Variants in STAT4 observed in about 807,000 individuals in gnomAD.
STAT4 encodes signal transducer and activator of transcription 4.
Under a neutral mutation model 110.5 loss-of-function variants are expected in STAT4, and 42 were observed. That is an observed-to-expected ratio of 0.38 (90% CI 0.30 to 0.49). STAT4 has a LOEUF of 0.49. Ranked by LOEUF, STAT4 falls within the 20% of genes least tolerant of loss-of-function variation. The probability of loss-of-function intolerance (pLI) is 0.95; values close to 1 mark genes in which losing one functional copy is unlikely to be tolerated. For synonymous variants in STAT4, 284 were observed against 302.2 expected, an observed-to-expected ratio of 0.94 and a Z score of 0.63; for missense variants, 632 against 887.9, an observed-to-expected ratio of 0.71 and a Z score of 3.66.
chr2:191,149,936 T>C (rs565131852), intron 1 of STAT4, among the ~76,000 whole-genome samples: 1 of 152,162 alleles, frequency 6.6e-6, no homozygotes, highest in African/African-American at 2.4e-5. Context: ...GCTGTAACAC[T>C]AGGATGAATA....
rs904160455 is a variant in STAT4, at chr2:191,144,109, C to G, written c.273+2504G>C. On this transcript the variant is annotated intron_variant, in intron 3 of 23. Transcript: ENST00000392320. This position sits in a 1 kb window ranked among gnomAD's most constrained non-coding sequence, Gnocchi z 4.7. The stretch of plus-strand genomic sequence containing the variant: ...TTGTTTTTTGAATTCCTAGTGTGCA[C>G]TAGAACCATATTGAGTACTGAGGGT... Among the ~76,000 whole-genome samples the G allele has an allele frequency of 6.6e-6, 1 of 151,900 alleles. No individual in the cohort carries two copies. Among genetic ancestry groups the G allele is most frequent in the African/African-American group, 2.4e-5 (1 of 41,340 alleles).
chr2:191,120,733 G>A (rs10197066), intron 3 of STAT4, among the ~76,000 whole-genome samples: 257 of 152,058 alleles, frequency 1.7e-3, no homozygotes, highest in African/African-American at 5.8e-3. Flanking sequence ...TGTAGAAAGC[G>A]GAAACTGGAT....
Position 191,061,871 on chromosome 2 carries a change from G to A in STAT4, c.942-50C>T. The A allele has an allele frequency of 6.4e-7, 1 of 1,558,824 alleles. No homozygotes were observed. The highest frequency in any genetic ancestry group is 8.8e-7 in the Non-Finnish European group (1 of 1,134,870). Reference sequence around the variant, plus strand: ...ATCATTTGAAAACACTGAAAATATTGAGACTGAAAACCACAGAGGAACAGG... The same window carrying A: ...ATCATTTGAAAACACTGAAAATATTAAGACTGAAAACCACAGAGGAACAGG... On this transcript the variant is annotated intron_variant, in intron 9 of 23. Coordinates refer to ENST00000392320, the MANE Select transcript of STAT4 (RefSeq NM_003151.4). The surrounding 1 kb of genome is among the most constrained non-coding windows in gnomAD (Gnocchi z 6.2).
intron 3 of STAT4, among the ~76,000 whole-genome samples, chr2:191,125,476 T>TTTACTATTATTA (rs1698853308): frequency 7.2e-6 from 1 of 138,002 alleles, no homozygotes; most frequent in African/African-American, 2.6e-5. Flanking sequence ...ATCCTCATTA[T>TTTACTATTATTA]TTATTATTAT....
intron 3 of STAT4, among the ~76,000 whole-genome samples, chr2:191,114,716 T>C (rs1285024488): frequency 6.6e-6 from 1 of 152,158 alleles, no homozygotes; most frequent in East Asian, 1.9e-4. Context: ...TCACTTGCCA[T>C]AGGGCTACTG....
In STAT4 at chr2:191,051,026, T is replaced by TTG. The variant is rs763414498; in HGVS notation, c.1251+3462_1251+3463dup. Among the ~76,000 whole-genome samples the TTG allele has an allele frequency of 6.6e-6, 1 of 152,042 alleles. No individual in the cohort carries two copies. Among genetic ancestry groups the TTG allele is most frequent in the African/African-American group, 2.4e-5 (1 of 41,392 alleles). On this transcript the variant is annotated intron_variant, in intron 14 of 23. Coordinates refer to ENST00000392320, the MANE Select transcript of STAT4 (RefSeq NM_003151.4). The surrounding 1 kb of genome is among the most constrained non-coding windows in gnomAD (Gnocchi z 5.6). ...AAAAGTAGAATGGAGCGACCCAAAA[T>TTG]TGTGTGTGTGCGTGTGGGTGTGTGT... is the stretch of plus-strand genomic sequence containing the variant.
rs1188943537 is a variant in STAT4 at position 191,077,417 on chromosome 2, G to T, written c.274-1092C>A. On this transcript the variant is annotated intron_variant, in intron 3 of 23. Transcript: ENST00000392320. The surrounding 1 kb of genome is among the most constrained non-coding windows in gnomAD (Gnocchi z 4.1). ...AATAGTATTAAATTTCTTTGTTACT[G>T]GACTTTTTCCAGGGCAGGATTAACA... Among the ~76,000 whole-genome samples, 1 of 152,096 alleles carries T rather than the reference G, an allele frequency of 6.6e-6. No individual in the cohort carries two copies.
At position 191,135,263 on chromosome 2, in the gene STAT4, A is replaced by G. The variant is rs1005830301; in HGVS notation, c.273+11350T>C. Among the ~76,000 whole-genome samples the G allele has an allele frequency of 1.3e-5, 2 of 152,204 alleles. No individual in the cohort carries two copies. Among genetic ancestry groups the G allele is most frequent in the Non-Finnish European group, 2.9e-5 (2 of 68,030 alleles). ...AAAATATAAAAGATCATCAGAGACA[A>G]TTATGAAAAATACACTAACAAGCTG... On this transcript the variant is annotated intron_variant, in intron 3 of 23. Coordinates refer to ENST00000392320, the MANE Select transcript of STAT4 (RefSeq NM_003151.4). The surrounding 1 kb of genome is among the most constrained non-coding windows in gnomAD (Gnocchi z 4.8).
Position 191,032,833 on chromosome 2 carries a change from A to T in STAT4, c.2044+125T>A. Reference sequence around the variant, plus strand: ...TCATTTCTAAGGCTTTGACCTCCACATGCCCTTAGATCTTACAGAAATCAG... The same window carrying T: ...TCATTTCTAAGGCTTTGACCTCCACTTGCCCTTAGATCTTACAGAAATCAG... On this transcript the variant is annotated intron_variant, in intron 21 of 23. Coordinates refer to ENST00000392320, the MANE Select transcript of STAT4 (RefSeq NM_003151.4). The surrounding 1 kb of genome is among the most constrained non-coding windows in gnomAD (Gnocchi z 4.9). 2 of 1,011,378 alleles carry T rather than the reference A, an allele frequency of 2.0e-6. No homozygotes were observed. Among genetic ancestry groups the T allele is most frequent in the Non-Finnish European group, 1.4e-6 (1 of 700,504 alleles). The allele number at this position is 1,011,378 out of a possible 1,614,324, so 62.7% of individuals were successfully genotyped here. A position where few individuals can be genotyped will look rare whatever the true frequency, so the allele number is the denominator to read the frequency against.
rs1367729260 is a variant in STAT4 at position 191,043,799 on chromosome 2, A to G, written c.1252-2651T>C. ...AGCAACATGAATCAACGTAGGAATGAGTCTCAGAAAATATTTTGTTGAGCA... is the reference window on the plus strand; with the variant it reads ...AGCAACATGAATCAACGTAGGAATGGGTCTCAGAAAATATTTTGTTGAGCA... On this transcript the variant is annotated intron_variant, in intron 14 of 23. Coordinates refer to ENST00000392320, the MANE Select transcript of STAT4 (RefSeq NM_003151.4). This position sits in a 1 kb window ranked among gnomAD's most constrained non-coding sequence, Gnocchi z 4.8. Among the ~76,000 whole-genome samples the G allele has an allele frequency of 1.3e-5, 2 of 152,234 alleles. No homozygotes were observed. The highest frequency in any genetic ancestry group is 2.9e-5 in the Non-Finnish European group (2 of 68,046).
At position 191,112,975 on chromosome 2, in the gene STAT4, G is replaced by T. The variant is rs1414438701; in HGVS notation, c.273+33638C>A. Among the ~76,000 whole-genome samples the T allele has an allele frequency of 4.6e-5, 7 of 152,218 alleles. No homozygotes were observed. The highest frequency in any genetic ancestry group is 8.8e-5 in the Non-Finnish European group (6 of 68,040). Reference sequence around the variant, plus strand: ...AGTTCACTTTGCTCCCTAGCAGGAAGGGCATTCCCATAGCTCTCTGCTGTT... The same window carrying T: ...AGTTCACTTTGCTCCCTAGCAGGAATGGCATTCCCATAGCTCTCTGCTGTT... On this transcript the variant is annotated intron_variant, in intron 3 of 23. Transcript: ENST00000392320. The surrounding 1 kb of genome is among the most constrained non-coding windows in gnomAD (Gnocchi z 4.3).
Position 191,050,131 on chromosome 2 carries a change from T to C in STAT4, c.1251+4359A>G, listed in dbSNP as rs1696478725. Among the ~76,000 whole-genome samples the C allele has an allele frequency of 6.6e-6, 1 of 152,232 alleles. No homozygotes were observed. The highest frequency in any genetic ancestry group is 1.9e-4 in the East Asian group (1 of 5,196). On this transcript the variant is annotated intron_variant, in intron 14 of 23. Coordinates refer to ENST00000392320, the MANE Select transcript of STAT4 (RefSeq NM_003151.4). This position sits in a 1 kb window ranked among gnomAD's most constrained non-coding sequence, Gnocchi z 4.3. ...ACACCTCAGTCTGTGGCTAAAACTG[T>C]CATTTATCAGTTAAAGCCCACTGAC... is the stretch of plus-strand genomic sequence containing the variant.
chr2:191,111,989 G>A (rs1354484005), intron 3 of STAT4, among the ~76,000 whole-genome samples: 2 of 152,194 alleles, frequency 1.3e-5, no homozygotes, highest in Non-Finnish European at 2.9e-5. Context: ...GCACGGAGAG[G>A]TAGGAGGGAG....
Position 191,050,017 on chromosome 2 carries a change from A to AT in STAT4, c.1251+4472dup, listed in dbSNP as rs1161957972. Among the ~76,000 whole-genome samples the AT allele has an allele frequency of 3.3e-5, 5 of 152,192 alleles. No individual in the cohort carries two copies. The East Asian group carries it at 9.6e-4, about 29-fold the overall frequency. On this transcript the variant is annotated intron_variant, in intron 14 of 23. Transcript: ENST00000392320. The surrounding 1 kb of genome is among the most constrained non-coding windows in gnomAD (Gnocchi z 4.3). ...ACCTTGAAAGAACATCTGTTTGGCT[A>AT]TTTTGTTAAATGAAACTCAAGTCAC... is the stretch of plus-strand genomic sequence containing the variant.
intron 14 of STAT4, among the ~76,000 whole-genome samples, chr2:191,049,470 C>T (rs939971946): frequency 3.9e-5 from 6 of 152,092 alleles, no homozygotes; most frequent in Non-Finnish European, 5.9e-5. Flanking sequence ...GCCACCATGC[C>T]TGGCCAACAA....
intron 3 of STAT4, among the ~76,000 whole-genome samples, chr2:191,085,265 T>C (rs527800340): frequency 6.6e-5 from 10 of 152,134 alleles, no homozygotes; most frequent in African/African-American, 2.2e-4. Flanking sequence ...AAACCTTTCA[T>C]ATTTGACAAT....
rs757786956 is a variant in STAT4 at position 191,116,111 on chromosome 2, C to CA, written c.273+30501dup. The stretch of plus-strand genomic sequence containing the variant: ...TCATTTGCTTGAATTGTGCTCTGAT[C>CA]ATTACATGTAATGCTTTGGTAAGGG... On this transcript the variant is annotated intron_variant, in intron 3 of 23. Coordinates refer to ENST00000392320, the MANE Select transcript of STAT4 (RefSeq NM_003151.4). This position sits in a 1 kb window ranked among gnomAD's most constrained non-coding sequence, Gnocchi z 4.1. Among the ~76,000 whole-genome samples the CA allele has an allele frequency of 6.6e-6, 1 of 152,176 alleles. No homozygotes were observed. Among genetic ancestry groups the CA allele is most frequent in the Non-Finnish European group, 1.5e-5 (1 of 68,024 alleles).
At chr2:191,132,837 C>T (rs1699075926) in intron 3 of STAT4, among the ~76,000 whole-genome samples, 1 of 150,168 alleles carries the variant, frequency 6.7e-6, no homozygotes, top group South Asian at 2.1e-4. Flanking sequence ...TCACTGCAAG[C>T]TCCGCCTCCC....
intron 3 of STAT4, among the ~76,000 whole-genome samples, chr2:191,127,209 A>G (rs1698904777): frequency 6.6e-6 from 1 of 152,176 alleles, no homozygotes; most frequent in African/African-American, 2.4e-5. Flanking sequence ...TAGAGAGAAA[A>G]TCAGCTCTGG....
Sources: allele counts gnomAD v4.1 joint callset (sites outside exome capture counted in the v4.1 genomes callset), GRCh38; gene constraint gnomAD v4.1.1; non-coding constraint Gnocchi (gnomAD v3.1); transcripts MANE v1.5; gene names NCBI Gene and HGNC (gene_info 2026-07-23, HGNC 2026-07-21).